Variants in NID1 observed in about 807,000 individuals in gnomAD.
NID1 encodes the protein nidogen-1.
A neutral mutation model predicts 130.6 loss-of-function variants in NID1; 76 were observed. That is an observed-to-expected ratio of 0.58 (90% CI 0.48 to 0.70). The LOEUF (loss-of-function observed/expected upper bound fraction) is 0.70. NID1 is among the 30% of genes least tolerant of loss of function. The pLI is 0.00. For synonymous variants in NID1, 665 were observed against 675.1 expected (o/e 0.98, Z 0.23); for missense variants, 1,517 against 1,664.8 (o/e 0.91, Z 1.54).
intron 3 of NID1, among the ~76,000 whole-genome samples, chr1:236,044,299 A>G (rs1290596060): frequency 6.6e-6 from 1 of 152,246 alleles, no homozygotes; most frequent in Non-Finnish European, 1.5e-5. Flanking sequence ...AAACAATTAA[A>G]TTACATGAAC....
intron 1 of NID1, among the ~76,000 whole-genome samples, chr1:236,055,746 A>C (rs1207569691): frequency 6.6e-6 from 1 of 152,204 alleles, no homozygotes; most frequent in Non-Finnish European, 1.5e-5. Context: ...AGATAAGCCA[A>C]GACTAACGTT....
intron 3 of NID1, among the ~76,000 whole-genome samples, chr1:236,043,684 GCTGCT>G (rs1215916915): frequency 6.6e-6 from 1 of 152,066 alleles, no homozygotes; most frequent in East Asian, 1.9e-4. Context: ...TGTAGTCCCA[GCTGCT>G]CGGGACGCTG....
At position 236,017,279 on chromosome 1, in the gene NID1, GC is replaced by G. The variant is rs764189680; in HGVS notation, c.2129-7del. ...TTCTGAACATTCATCAATATCTGCA[GC>G]AAAAATTTTTTTTTACTGCAGGCTT... On this transcript the variant is annotated splice_region_variant and splice_polypyrimidine_tract_variant and intron_variant, in intron 9 of 19. Transcript: ENST00000264187. The G allele has an allele frequency of 2.5e-6, 4 of 1,612,580 alleles. No individual in the cohort carries two copies. The African/African-American group carries it at 4.0e-5, about 16-fold the overall frequency.
Position 235,986,908 on chromosome 1 carries a change from C to T in NID1, c.2929-1403G>A, listed in dbSNP as rs1246242392. Among the ~76,000 whole-genome samples the T allele has an allele frequency of 3.3e-5, 5 of 152,366 alleles. No homozygotes were observed. The South Asian group carries it at 1.0e-3, about 32-fold the overall frequency. On this transcript the variant is annotated intron_variant, in intron 14 of 19. Coordinates refer to ENST00000264187, the MANE Select transcript of NID1 (RefSeq NM_002508.3). ...TATTAAGGAAAGAGAACATTTCCTT[C>T]AGCAAACATGCTCATCAACTTCTCT... is the stretch of plus-strand genomic sequence containing the variant.
At chr1:236,062,786 A>G (rs1025300785) in intron 1 of NID1, among the ~76,000 whole-genome samples, 1 of 152,190 alleles carries the variant, frequency 6.6e-6, no homozygotes, top group Non-Finnish European at 1.5e-5. Context: ...AATATTGCTC[A>G]TGATCTTCAA....
chr1:236,023,893 C>T (rs536810463), intron 9 of NID1, among the ~76,000 whole-genome samples, 177 bp downstream of exon 9: 3 of 152,294 alleles, frequency 2.0e-5, no homozygotes, highest in East Asian at 1.9e-4. Context: ...CCAGTACTCC[C>T]GAGTTTACCC....
chr1:236,025,204 G>A (rs1045060636), intron 8 of NID1, among the ~76,000 whole-genome samples: 6 of 150,510 alleles, frequency 4.0e-5, no homozygotes, highest in African/African-American at 1.2e-4. Flanking sequence ...CGCCCTCTTT[G>A]GCCTCCCAAA....
At chr1:235,995,984 A>C (rs1039511336) in intron 12 of NID1, among the ~76,000 whole-genome samples, 1 of 152,148 alleles carries the variant, frequency 6.6e-6, no homozygotes, top group African/African-American at 2.4e-5. Flanking sequence ...AGCAAGACCT[A>C]TATCTATAAA....
intron 6 of NID1, 45 bp from the exon 7 acceptor site, chr1:236,029,795 G>A (rs371706263): frequency 1.3e-5 from 20 of 1,583,950 alleles, no homozygotes; most frequent in Middle Eastern, 3.4e-4. Context: ...TGGGGAGCGC[G>A]CCCTTCTGCC....
chr1:236,029,464 C>T (rs1214964593), intron 7 of NID1, 86 bp downstream of exon 7: 3 of 1,311,046 alleles, frequency 2.3e-6, no homozygotes, highest in Non-Finnish European at 3.2e-6. Context: ...CCAGAGACAG[C>T]CCCAGTTCAC....
intron 19 of NID1, 38 bp downstream of exon 19, chr1:235,978,956 GC>G: frequency 7.1e-7 from 1 of 1,408,918 alleles, no homozygotes. Context: ...GCCTCCATGT[GC>G]CCCCAGTATG....
At chr1:236,064,709 GC>G in intron 1 of NID1, 145 bp downstream of exon 1, 1 of 708,638 alleles carries the variant, frequency 1.4e-6, no homozygotes. Flanking sequence ...CCCTGCAGAG[GC>G]GGGAGACCCT....
At position 236,013,562 on chromosome 1, in the gene NID1, T is replaced by C; in HGVS notation, c.2255-2A>G. The stretch of plus-strand genomic sequence containing the variant: ...TGATGGGGCGCTGGTCCACGACAGC[T>C]TCAGAACAAAAGGTTGATGCACAGT... On this transcript the variant is annotated splice_acceptor_variant, in intron 10 of 19. Transcript: ENST00000264187. LOFTEE classifies it high-confidence loss of function. The C allele has an allele frequency of 6.2e-7, 1 of 1,614,118 alleles. No homozygotes were observed. Among genetic ancestry groups the C allele is most frequent in the Non-Finnish European group, 8.5e-7 (1 of 1,180,014 alleles).
At chr1:236,018,561 C>T (rs1658665724) in intron 9 of NID1, among the ~76,000 whole-genome samples, 1 of 152,164 alleles carries the variant, frequency 6.6e-6, no homozygotes, top group African/African-American at 2.4e-5. Flanking sequence ...ACCTGTCATT[C>T]CCCCTGGTTA....
intron 19 of NID1, 118 bp from the exon 20 acceptor site, chr1:235,978,106 A>G: frequency 3.2e-6 from 4 of 1,266,074 alleles, no homozygotes; most frequent in South Asian, 2.9e-5. Context: ...AAGCCATGCT[A>G]GGAAGGCTTC....
rs754731041 is a variant in NID1 at position 236,026,006 on chromosome 1, G to A, written c.1874C>T (p.Pro625Leu). 3 of 1,613,586 alleles carry A rather than the reference G, an allele frequency of 1.9e-6. No individual in the cohort carries two copies. Among genetic ancestry groups the A allele is most frequent in the Non-Finnish European group, 2.5e-6 (3 of 1,179,934 alleles). The change falls in exon 8 of 20, where the codon CCA becomes CTA. Residue 625 changes from proline (P) to leucine (L), a missense_variant. Pro to Leu is a moderately conservative substitution (Grantham distance 98). Transcript: ENST00000264187. ...FQECVHDDSR[P>L]ALPSTQQLSV... Reference sequence around the variant, plus strand: ...GAGCTGCTGGGTGCTGGGCAGGGCTGGCCGGGAGTCATCGTGGACGCATTC... The same window carrying A: ...GAGCTGCTGGGTGCTGGGCAGGGCTAGCCGGGAGTCATCGTGGACGCATTC...
At chr1:236,019,839 C>T (rs560806759) in intron 9 of NID1, among the ~76,000 whole-genome samples, 3 of 152,010 alleles carry the variant, frequency 2.0e-5, no homozygotes, top group Admixed American at 1.3e-4. Flanking sequence ...GTTAGGAGTT[C>T]GAGACCAGCC....
chr1:235,992,975 G>C (rs1023873733), intron 13 of NID1, among the ~76,000 whole-genome samples: 5 of 152,100 alleles, frequency 3.3e-5, no homozygotes, highest in Non-Finnish European at 7.3e-5. Context: ...TTTAGGTTGA[G>C]ACTGGGGACG....
intron 12 of NID1, among the ~76,000 whole-genome samples, chr1:236,009,676 A>T (rs1346844770): frequency 3.3e-5 from 5 of 152,178 alleles, no homozygotes; most frequent in Non-Finnish European, 2.9e-5. Context: ...TTTGAGACTT[A>T]CCCCTGAACT....
Sources: gnomAD v4.1 joint callset for allele counts (sites outside exome capture counted in the v4.1 genomes callset) on GRCh38, gnomAD v4.1.1 for gene constraint, MANE v1.5 for transcripts, NCBI Gene and HGNC (gene_info 2026-07-23, HGNC 2026-07-21) for gene names.